DLGAP2: variants seen among roughly 807,000 people sequenced by gnomAD.
DLGAP2 encodes DLG associated protein 2, also known as disks large-associated protein 2.
In DLGAP2, 26 loss-of-function variants were observed where a neutral mutation model predicts 100.3. The ratio of observed to expected loss-of-function variants is 0.26; its 90% CI spans 0.19 to 0.36. DLGAP2 has a LOEUF of 0.36. Ranked by LOEUF, DLGAP2 falls within the 10% of genes least tolerant of loss-of-function variation. The pLI, the probability that DLGAP2 is intolerant of heterozygous loss-of-function variation, is 1.00. For synonymous variants in DLGAP2, 886 were observed against 630.1 expected, an observed-to-expected ratio of 1.41 and a Z score of -6.08; for missense variants, 1,858 against 1,453.2, an observed-to-expected ratio of 1.28 and a Z score of -4.53.
At chr8:835,074 T>C (rs530486979) in intron 1 of DLGAP2, among the ~76,000 whole-genome samples, 45 of 152,222 alleles carry the variant, frequency 3.0e-4, no homozygotes, top group Non-Finnish European at 1.6e-4. Context: ...TGCATGTACA[T>C]TGGTGTGCAC....
chr8:1,050,958 TGGGGTCATTTCGTGGGTGG>T lies in DLGAP2; in HGVS notation c.73+142996_73+143014del, dbSNP rs1190223664. 7.8e-3 allele frequency among the ~76,000 whole-genome samples: 570 copies of T among 72,960 alleles called. 9 individuals carry two copies. Among genetic ancestry groups the T allele is most frequent in the Middle Eastern group, 0.039 (5 of 128 alleles). The allele number at this position is 72,960 out of a possible 152,430, so 47.9% of individuals were successfully genotyped here. On this transcript the variant is annotated intron_variant, in intron 2 of 14. Coordinates refer to ENST00000637795, the MANE Select transcript of DLGAP2 (RefSeq NM_001346810.2). ...TCGTGGGTGGGGGGTCATTTTGTGG[TGGGGTCATTTCGTGGGTGG>T]GGGTCATTTCGTGGGTGGGAGTCAT...
intron 3 of DLGAP2, among the ~76,000 whole-genome samples, chr8:1,496,148 C>G (rs576363227): frequency 6.6e-5 from 10 of 152,316 alleles, no homozygotes; most frequent in African/African-American, 1.9e-4. Flanking sequence ...CCATCGGTCA[C>G]TCACCTGCCC....
intron 2 of DLGAP2, among the ~76,000 whole-genome samples, chr8:937,107 C>G (rs919132125): frequency 6.6e-6 from 1 of 152,192 alleles, no homozygotes; most frequent in African/African-American, 2.4e-5. Context: ...AGCCATGGCA[C>G]TCTTCTTAAG....
At chr8:1,217,535 C>G (rs1405449061) in intron 2 of DLGAP2, among the ~76,000 whole-genome samples, 1 of 152,118 alleles carries the variant, frequency 6.6e-6, no homozygotes, top group Non-Finnish European at 1.5e-5. Context: ...AATCTGTAAA[C>G]TGCTTGGACT....
chr8:1,084,431 T>C (rs575656483), intron 2 of DLGAP2, among the ~76,000 whole-genome samples: 1 of 152,338 alleles, frequency 6.6e-6, no homozygotes, highest in East Asian at 1.9e-4. Context: ...AAATGTAAAA[T>C]ACTCAATAAT....
At chr8:888,910 GGTTTT>G (rs1056673938) in intron 1 of DLGAP2, among the ~76,000 whole-genome samples, 2 of 152,164 alleles carry the variant, frequency 1.3e-5, no homozygotes, top group African/African-American at 4.8e-5. Context: ...CCACCAAACA[GGTTTT>G]GTGTGAGCAA....
intron 2 of DLGAP2, among the ~76,000 whole-genome samples, chr8:1,072,978 G>A (rs1223458273): frequency 1.3e-5 from 2 of 152,170 alleles, no homozygotes; most frequent in Non-Finnish European, 2.9e-5. Context: ...AGGATTTTTA[G>A]CTGTATCCGA....
At chr8:1,200,202 G>A (rs1797840766) in intron 2 of DLGAP2, among the ~76,000 whole-genome samples, 1 of 152,146 alleles carries the variant, frequency 6.6e-6, no homozygotes, top group South Asian at 2.1e-4. Context: ...TGCAGCACCG[G>A]GTGTCACCTT....
intron 6 of DLGAP2, among the ~76,000 whole-genome samples, chr8:1,594,729 A>G (rs2956936): frequency 0.31 from 47,038 of 152,030 alleles, 7,617 homozygotes; most frequent in East Asian, 0.51. Context: ...CGGCCAGGTC[A>G]CACTCTCTTA....
chr8:1,320,456 G>T (rs1800869071), intron 3 of DLGAP2, among the ~76,000 whole-genome samples: 1 of 152,130 alleles, frequency 6.6e-6, no homozygotes, highest in Non-Finnish European at 1.5e-5. Context: ...CAGGGTGTCT[G>T]TCTGCCGAGG....
intron 3 of DLGAP2, among the ~76,000 whole-genome samples, chr8:1,323,275 C>G (rs905987558): frequency 6.6e-6 from 1 of 152,132 alleles, no homozygotes; most frequent in Non-Finnish European, 1.5e-5. Context: ...GGCAATCCAC[C>G]CGCCTCAGCC....
chr8:1,534,035 C>G (rs901999934), intron 4 of DLGAP2, among the ~76,000 whole-genome samples: 2 of 152,176 alleles, frequency 1.3e-5, no homozygotes, highest in East Asian at 3.8e-4. Context: ...TGTTTTAAAA[C>G]AAGCATTCTT....
chr8:927,036 G>A (rs1798831461), intron 2 of DLGAP2: 2 of 985,324 alleles, frequency 2.0e-6, no homozygotes, highest in Non-Finnish European at 2.4e-6. Context: ...CAGAGCCGGG[G>A]ACTGGAGGCC....
intron 3 of DLGAP2, chr8:1,300,559 C>G (rs760599004): frequency 6.6e-6 from 1 of 152,288 alleles, no homozygotes; most frequent in East Asian, 1.9e-4. Context: ...CACACCCTGT[C>G]GTGTGTGGGG....
chr8:1,025,166 G>T (rs773002684), intron 2 of DLGAP2, among the ~76,000 whole-genome samples: 5 of 152,156 alleles, frequency 3.3e-5, no homozygotes, highest in Non-Finnish European at 5.9e-5. Context: ...GCACGTGTGT[G>T]TGTCTTAATT....
At chr8:790,268 AG>A (rs1821992217) in intron 1 of DLGAP2, among the ~76,000 whole-genome samples, 1 of 152,194 alleles carries the variant, frequency 6.6e-6, no homozygotes, top group Admixed American at 6.5e-5. Flanking sequence ...ATGCATTTCA[AG>A]GGAAATAATA....
At chr8:968,111 G>A (rs1056668160) in intron 2 of DLGAP2, among the ~76,000 whole-genome samples, 5 of 151,380 alleles carry the variant, frequency 3.3e-5, no homozygotes, top group African/African-American at 1.2e-4. Flanking sequence ...CCTCAGTTTT[G>A]AATTTTAATT....
chr8:1,027,302 C>A (rs1374027448), intron 2 of DLGAP2, among the ~76,000 whole-genome samples: 1 of 152,164 alleles, frequency 6.6e-6, no homozygotes, highest in Non-Finnish European at 1.5e-5. Flanking sequence ...TGCCGGGTGC[C>A]CATTATTCTC....
At chr8:1,288,533 CA>C in intron 3 of DLGAP2, among the ~76,000 whole-genome samples, 1 of 82,776 alleles carries the variant, frequency 1.2e-5, no homozygotes, top group African/African-American at 5.5e-5. Context: ...GAACTAGTTT[CA>C]GTTGAGTGTG....
Sources: allele counts gnomAD v4.1 joint callset (sites outside exome capture counted in the v4.1 genomes callset), GRCh38; gene constraint gnomAD v4.1.1; transcripts MANE v1.5; gene names NCBI Gene and HGNC (gene_info 2026-07-23, HGNC 2026-07-21).